The following DLGAP2 variants were observed in gnomAD, a reference collection of about 807,000 sequenced individuals.
DLGAP2 encodes DLG associated protein 2, also known as disks large-associated protein 2.
In DLGAP2, 26 loss-of-function variants were observed where a neutral mutation model predicts 100.3. That is an observed-to-expected ratio of 0.26 (90% confidence interval 0.19 to 0.36). DLGAP2 has a LOEUF of 0.36. Among genes scored for constraint, DLGAP2 ranks in the 10% least tolerant of loss-of-function variants. The probability of loss-of-function intolerance (pLI) is 1.00; values close to 1 mark genes in which losing one functional copy is unlikely to be tolerated. For synonymous variants in DLGAP2, 886 were observed against 630.1 expected, an observed-to-expected ratio of 1.41 and a Z score of -6.08; for missense variants, 1,858 against 1,453.2, an observed-to-expected ratio of 1.28 and a Z score of -4.53.
chr8:1,434,869 T>C (rs1255194877), intron 3 of DLGAP2, among the ~76,000 whole-genome samples: 1 of 152,088 alleles, frequency 6.6e-6, no homozygotes, highest in Non-Finnish European at 1.5e-5. Flanking sequence ...CTCCCCTCCC[T>C]CCTCCATGGT....
rs1585178471 is a variant in DLGAP2, at chr8:1,237,286, G to A, written c.74-21565G>A. Among the ~76,000 whole-genome samples the A allele has an allele frequency of 1.5e-5, 2 of 130,864 alleles. 1 individual carries two copies. The highest frequency in any genetic ancestry group is 6.8e-5 in the African/African-American group (2 of 29,502). The allele number at this position is 130,864 out of a possible 152,430, so 85.9% of individuals were successfully genotyped here. A position where few individuals can be genotyped will look rare whatever the true frequency, so the allele number is the denominator to read the frequency against. On this transcript the variant is annotated intron_variant, in intron 2 of 14. Coordinates refer to ENST00000637795, the MANE Select transcript of DLGAP2 (RefSeq NM_001346810.2). ...TATGTCTAGATCTCTCTCACACATA[G>A]CGTCATGTCTAGTTCTGTCTCACAC...
chr8:881,666 A>ATGTGTATATATATATAT, intron 1 of DLGAP2, among the ~76,000 whole-genome samples: 1 of 131,046 alleles, frequency 7.6e-6, no homozygotes, highest in Non-Finnish European at 1.7e-5. Flanking sequence ...CTTGTGGCTG[A>ATGTGTATATATATATAT]ACACACACAC....
chr8:1,075,492 C>G (rs1400171990), intron 2 of DLGAP2, among the ~76,000 whole-genome samples: 1 of 152,112 alleles, frequency 6.6e-6, no homozygotes, highest in African/African-American at 2.4e-5. Flanking sequence ...CTCTACTGTC[C>G]TCTTCTGTGA....
At position 1,705,989 on chromosome 8, in the gene DLGAP2, G is replaced by A. The variant is rs1585083261; in HGVS notation, c.*4583G>A. ...TCATTCAGGGCCATGTGGCAGCCAT[G>A]ACACACACCACATAAGGTCAGCTCA... On this transcript the variant is annotated 3_prime_UTR_variant, in exon 15 of 15. Transcript: ENST00000637795. 3 of 152,324 alleles carry A rather than the reference G, an allele frequency of 2.0e-5. No individual in the cohort carries two copies. Among genetic ancestry groups the A allele is most frequent in the Admixed American group, 2.0e-4 (3 of 15,302 alleles). 9.4% of individuals were successfully genotyped at this position (152,324 alleles called of 1,614,324 possible).
chr8:984,830 C>T (rs1800441331), intron 2 of DLGAP2, among the ~76,000 whole-genome samples: 1 of 152,148 alleles, frequency 6.6e-6, no homozygotes. Context: ...AACAAATGCA[C>T]CTGATTCTTC....
At chr8:1,589,209 A>C (rs548347086) in intron 6 of DLGAP2, among the ~76,000 whole-genome samples, 1 of 152,224 alleles carries the variant, frequency 6.6e-6, no homozygotes, top group Admixed American at 6.5e-5. Context: ...TAACTGAAAA[A>C]CATTAGTTTC....
chr8:1,266,453 A>C (rs1563051225), intron 3 of DLGAP2, among the ~76,000 whole-genome samples: 1 of 152,204 alleles, frequency 6.6e-6, no homozygotes, highest in East Asian at 1.9e-4. Flanking sequence ...CCCTCTCCCC[A>C]TCAACCTGCT....
chr8:1,566,762 A>T (rs149093059), intron 6 of DLGAP2, among the ~76,000 whole-genome samples: 12 of 152,262 alleles, frequency 7.9e-5, no homozygotes, highest in Non-Finnish European at 4.4e-5. Context: ...CAGTGACCAT[A>T]TAACCTCTTC....
chr8:1,454,499 C>T (rs541752072), intron 3 of DLGAP2, among the ~76,000 whole-genome samples: 1 of 152,092 alleles, frequency 6.6e-6, no homozygotes, highest in African/African-American at 2.4e-5. Context: ...AACCAGAAAC[C>T]CACCCCTGGA....
At chr8:1,275,774 T>C (rs1799671155) in intron 3 of DLGAP2, among the ~76,000 whole-genome samples, 1 of 128,984 alleles carries the variant, frequency 7.8e-6, no homozygotes, top group East Asian at 2.0e-4. Flanking sequence ...ATATATATTA[T>C]ATATAAAAAT....
intron 1 of DLGAP2, among the ~76,000 whole-genome samples, chr8:785,392 G>A (rs10156277): frequency 0.22 from 33,305 of 149,466 alleles, 4,497 homozygotes; most frequent in African/African-American, 0.37. Flanking sequence ...CTCTGAGACC[G>A]GCTTCTCTCC....
chr8:945,895 G>A (rs1362762976), intron 2 of DLGAP2, among the ~76,000 whole-genome samples: 3 of 151,928 alleles, frequency 2.0e-5, no homozygotes, highest in Non-Finnish European at 4.4e-5. Flanking sequence ...GTGTGTTGAA[G>A]TTCCCATGTT....
intron 4 of DLGAP2, among the ~76,000 whole-genome samples, chr8:1,517,392 G>A (rs1485824196): frequency 6.6e-6 from 1 of 152,066 alleles, no homozygotes; most frequent in Non-Finnish European, 1.5e-5. Flanking sequence ...CGTGGTGAGG[G>A]GCACCCCTGG....
intron 3 of DLGAP2, among the ~76,000 whole-genome samples, chr8:1,498,385 A>T (rs1268409337): frequency 1.3e-5 from 2 of 152,202 alleles, no homozygotes; most frequent in South Asian, 2.1e-4. Flanking sequence ...TAAATAAAAA[A>T]AAAAAAATTA....
chr8:1,323,617 A>G (rs1379393869), intron 3 of DLGAP2, among the ~76,000 whole-genome samples: 1 of 152,216 alleles, frequency 6.6e-6, no homozygotes, highest in African/African-American at 2.4e-5. Context: ...GGATGCAGAT[A>G]CGGAGCGGGC....
chr8:941,371 C>A (rs763359400), intron 2 of DLGAP2, among the ~76,000 whole-genome samples: 4 of 152,136 alleles, frequency 2.6e-5, no homozygotes, highest in African/African-American at 7.2e-5. Context: ...AAGCCCGGTC[C>A]AAGCAAGGCT....
At chr8:1,493,281 CTG>C (rs1017854612) in intron 3 of DLGAP2, among the ~76,000 whole-genome samples, 2 of 152,216 alleles carry the variant, frequency 1.3e-5, no homozygotes, top group African/African-American at 4.8e-5. Flanking sequence ...AGACACGCCT[CTG>C]TGGACGGAGG....
chr8:1,267,578 T>TAAAATA (rs1563051889), intron 3 of DLGAP2, among the ~76,000 whole-genome samples: 16 of 54,910 alleles, frequency 2.9e-4, no homozygotes, highest in Non-Finnish European at 4.0e-4. Context: ...TAAAATAAAA[T>TAAAATA]AAAATAAAAT....
intron 1 of DLGAP2, among the ~76,000 whole-genome samples, chr8:890,321 C>A (rs183590239): frequency 9.0e-4 from 137 of 152,246 alleles, no homozygotes; most frequent in Non-Finnish European, 1.6e-3. Flanking sequence ...CTTTTCAGAG[C>A]GTTTGTGACC....
Sources: allele counts gnomAD v4.1 joint callset (sites outside exome capture counted in the v4.1 genomes callset), GRCh38; gene constraint gnomAD v4.1.1; transcripts MANE v1.5; gene names NCBI Gene and HGNC (gene_info 2026-07-23, HGNC 2026-07-21).